Variants in MORF4L1 observed in about 807,000 individuals in gnomAD.
MORF4L1 encodes mortality factor 4 like 1.
Under a neutral mutation model 52.9 loss-of-function variants are expected in MORF4L1, and 4 were observed. The ratio of observed to expected loss-of-function variants is 0.08; its 90% CI spans 0.04 to 0.17. The LOEUF (loss-of-function observed/expected upper bound fraction) is 0.17. Among genes scored for constraint, MORF4L1 ranks in the 10% least tolerant of loss-of-function variants. The pLI, the probability that MORF4L1 is intolerant of heterozygous loss-of-function variation, is 1.00. For missense variants in MORF4L1, 214 were observed against 390.4 expected (o/e 0.55, Z 3.81); for synonymous variants, 123 against 134.8 (o/e 0.91, Z 0.61).
At chr15:78,885,367 A>G (rs1378550637) in intron 3 of MORF4L1, among the ~76,000 whole-genome samples, 3 of 152,224 alleles carry the variant, frequency 2.0e-5, no homozygotes, top group Non-Finnish European at 4.4e-5. Flanking sequence ...ACACATAATC[A>G]GAAATTGTGT....
At chr15:78,887,211 AT>A (rs909929319) in intron 4 of MORF4L1, 57 bp from the exon 5 acceptor site, 359 of 1,413,596 alleles carry the variant, frequency 2.5e-4, no homozygotes, top group Admixed American at 3.3e-4. Flanking sequence ...CAGGCTGACA[AT>A]TTTTTTTTCA....
intron 6 of MORF4L1, 24 bp downstream of exon 6, chr15:78,891,038 G>A (rs370299195): frequency 1.4e-5 from 21 of 1,468,920 alleles, no homozygotes; most frequent in Middle Eastern, 1.8e-4. Flanking sequence ...CTTTCTTAAC[G>A]TTAATTTATG....
chr15:78,882,461 T>G (rs2056620053), intron 3 of MORF4L1, among the ~76,000 whole-genome samples: 1 of 152,248 alleles, frequency 6.6e-6, no homozygotes, highest in Non-Finnish European at 1.5e-5. Context: ...AAGTAAACTG[T>G]GCTTTTAGTA....
At chr15:78,883,643 A>C (rs180868647) in intron 3 of MORF4L1, among the ~76,000 whole-genome samples, 24 of 152,374 alleles carry the variant, frequency 1.6e-4, no homozygotes. Context: ...AAATAGCATC[A>C]AATATTAGAG....
At chr15:78,887,602 C>T (rs926120903) in intron 5 of MORF4L1, among the ~76,000 whole-genome samples, 2 of 152,146 alleles carry the variant, frequency 1.3e-5, no homozygotes, top group African/African-American at 2.4e-5. Context: ...AAAGATAGTA[C>T]TAGTGGTTAT....
intron 8 of MORF4L1, 113 bp downstream of exon 8, chr15:78,892,426 AAAT>A (rs1183185564): frequency 3.3e-6 from 2 of 609,806 alleles, no homozygotes; most frequent in South Asian, 2.5e-5. Flanking sequence ...ATGACTGATA[AAAT>A]AATATTTTAA....
At chr15:78,890,903 C>A in intron 5 of MORF4L1, 86 bp from the exon 6 acceptor site, 1 of 1,226,224 alleles carries the variant, frequency 8.2e-7, no homozygotes, top group Non-Finnish European at 1.1e-6. Flanking sequence ...TAGTATTTCT[C>A]TGTGAACTTA....
At chr15:78,885,120 T>C (rs759219578) in intron 3 of MORF4L1, 12 of 1,453,474 alleles carry the variant, frequency 8.3e-6, no homozygotes, top group Middle Eastern at 1.7e-4. Flanking sequence ...TAGGAAATCA[T>C]GTTCAGGATT....
chr15:78,893,502 A>G, intron 8 of MORF4L1, 37 bp from the exon 9 acceptor site: 3 of 1,375,208 alleles, frequency 2.2e-6, no homozygotes, highest in Non-Finnish European at 3.1e-6. Flanking sequence ...TTTAAAAAAG[A>G]GAGTGCTTAT....
intron 2 of MORF4L1, among the ~76,000 whole-genome samples, chr15:78,879,358 A>T (rs2056557194): frequency 6.6e-6 from 1 of 151,900 alleles, no homozygotes; most frequent in Admixed American, 6.6e-5. Context: ...AGTAGCTGGG[A>T]TTACAGGCAC....
At chr15:78,894,498 T>A in intron 10 of MORF4L1, 1 of 369,386 alleles carries the variant, frequency 2.7e-6, no homozygotes, top group Non-Finnish European at 4.9e-6. Context: ...AACCTCCGCC[T>A]CCTGGGTTCA....
intron 2 of MORF4L1, among the ~76,000 whole-genome samples, chr15:78,879,575 G>A (rs567401382): frequency 3.1e-4 from 47 of 152,144 alleles, no homozygotes; most frequent in African/African-American, 1.1e-3. Flanking sequence ...GTATGGAGAT[G>A]GTCAGGAATT....
chr15:78,891,559 C>G lies in MORF4L1; in HGVS notation c.425C>G (p.Pro142Arg), dbSNP rs2056802247. Residue 142 changes from proline (P) to arginine (R), a missense_variant, in exon 7 of 12, where the codon CCT (proline) becomes CGT (arginine). By Grantham distance (103) the Pro-to-Arg change is moderately radical. Coordinates refer to ENST00000426013, the MANE Select transcript of MORF4L1 (RefSeq NM_006791.4). Reference sequence around the variant, plus strand: ...CGGAAGAAAAGGGCCCGGGTAGATCCTACTGTTGAAAATGTGAGTTTTTCT... The same window carrying G: ...CGGAAGAAAAGGGCCCGGGTAGATCGTACTGTTGAAAATGTGAGTTTTTCT... ...PPRKKRARVD[P>R]TVENEETFMN... 1 of 1,612,634 alleles carries G rather than the reference C, an allele frequency of 6.2e-7. No homozygotes were observed. Among genetic ancestry groups the G allele is most frequent in the Non-Finnish European group, 8.5e-7 (1 of 1,178,948 alleles).
intron 1 of MORF4L1, chr15:78,876,714 C>T (rs2056499376): frequency 8.6e-6 from 3 of 348,706 alleles, no homozygotes; most frequent in South Asian, 4.3e-5. Context: ...GTTCCTGGGC[C>T]GTTGGAGAAG....
At chr15:78,878,306 A>G in intron 2 of MORF4L1, 47 bp downstream of exon 2, 1 of 1,555,858 alleles carries the variant, frequency 6.4e-7, no homozygotes, top group Non-Finnish European at 8.8e-7. Flanking sequence ...ACTACTGGTT[A>G]GATCTGGCCA....
chr15:78,894,085 A>G lies in MORF4L1; in HGVS notation c.657A>G (p.Ala219=), dbSNP rs529570820. The change falls in exon 10 of 12, where the codon GCA becomes GCG. Residue 219 remains alanine (A), a synonymous_variant. Transcript: ENST00000426013. ...NKEYAVNEVV[A]GIKEYFNVML... ...AGTATGCGGTTAATGAAGTTGTGGC[A>G]GGGATAAAAGAATACTTCAACGTAA... 1.2e-6 allele frequency: 2 copies of G among 1,613,270 alleles called. No homozygotes were observed. Among genetic ancestry groups the G allele is most frequent in the South Asian group, 2.2e-5 (2 of 90,974 alleles).
intron 11 of MORF4L1, among the ~76,000 whole-genome samples, chr15:78,895,149 A>T (rs367792423): frequency 1.3e-5 from 2 of 152,240 alleles, no homozygotes; most frequent in Admixed American, 6.5e-5. Context: ...GACAGCTGAC[A>T]GTTTGGAAGA....
At chr15:78,874,741 TA>T (rs2056449902) in intron 1 of MORF4L1, among the ~76,000 whole-genome samples, 1 of 151,466 alleles carries the variant, frequency 6.6e-6, no homozygotes, top group African/African-American at 2.4e-5. Context: ...GTGTGACTTT[TA>T]ATACCCCTCT....
At chr15:78,895,717 T>C (rs372694056) in intron 11 of MORF4L1, among the ~76,000 whole-genome samples, 10 of 152,352 alleles carry the variant, frequency 6.6e-5, no homozygotes, top group African/African-American at 2.4e-4. Flanking sequence ...TGGATCTTAG[T>C]TAATACTGGG....
Sources: allele counts gnomAD v4.1 joint callset (sites outside exome capture counted in the v4.1 genomes callset), GRCh38; gene constraint gnomAD v4.1.1; transcripts MANE v1.5; gene names NCBI Gene and HGNC (gene_info 2026-07-23, HGNC 2026-07-21).